The following IL1RAPL2 variants were observed in gnomAD, a reference collection of about 807,000 sequenced individuals.
The protein encoded by IL1RAPL2 is interleukin 1 receptor accessory protein like 2, also known as X-linked interleukin-1 receptor accessory protein-like 2.
A neutral mutation model predicts 44.1 loss-of-function variants in IL1RAPL2; 3 were observed. That is an observed-to-expected ratio of 0.07 (90% CI 0.03 to 0.18). IL1RAPL2 has a LOEUF of 0.18. Among genes scored for constraint, IL1RAPL2 ranks in the 10% least tolerant of loss-of-function variants. IL1RAPL2 has a pLI of 1.00. For synonymous variants in IL1RAPL2, 181 were observed against 178.8 expected, an observed-to-expected ratio of 1.01 and a Z score of -0.10; for missense variants, 391 against 496.4, an observed-to-expected ratio of 0.79 and a Z score of 2.02.
intron 1 of IL1RAPL2, among the ~76,000 whole-genome samples, chrX:104,598,693 T>C (rs1396545703): frequency 8.9e-6 from 1 of 112,093 alleles, no homozygotes; most frequent in Non-Finnish European, 1.9e-5. Flanking sequence ...CTTTTTGTGA[T>C]AAAATTTCTT....
Position 105,272,282 on chromosome X carries a change from TA to T in IL1RAPL2, c.697+4751del, listed in dbSNP as rs377125862. Among the ~76,000 whole-genome samples the T allele has an allele frequency of 5.5e-3, 565 of 103,225 alleles. 4 individuals carry two copies. The highest frequency in any genetic ancestry group is 0.016 in the African/African-American group (463 of 28,431). 89.6% of individuals were successfully genotyped at this position (103,225 alleles called of 115,157 possible). A position where few individuals can be genotyped will look rare whatever the true frequency, so the allele number is the denominator to read the frequency against. On this transcript the variant is annotated intron_variant, in intron 5 of 10. Transcript: ENST00000372582. ...ATGTACCCTAAAACTTAAAGTATAA[TA>T]AAAAAAAAAGAAGGTCAAAGGCAGA...
rs1377826070 is a variant in IL1RAPL2 at position 105,034,967 on chromosome X, C to A, written c.83-160508C>A. ...GGGCGCCCCTCCCCCAGCCTGGCTGCCACCTTGCAGTTTGATCTCAGACTG... is the reference window on the plus strand; with the variant it reads ...GGGCGCCCCTCCCCCAGCCTGGCTGACACCTTGCAGTTTGATCTCAGACTG... On this transcript the variant is annotated intron_variant, in intron 2 of 10. Transcript: ENST00000372582. 6.6e-5 allele frequency among the ~76,000 whole-genome samples: 7 copies of A among 105,824 alleles called. No homozygotes were observed. In the East Asian group the frequency reaches 2.1e-3, roughly 31 times the overall value. 91.9% of individuals were successfully genotyped at this position (105,824 alleles called of 115,157 possible).
chrX:105,374,115 C>CAAA (rs1177602549), intron 5 of IL1RAPL2, among the ~76,000 whole-genome samples: 1 of 45,328 alleles, frequency 2.2e-5, no homozygotes, highest in African/African-American at 5.2e-5. Flanking sequence ...GCAAGACTGT[C>CAAA]AAAAAAAAAA....
chrX:104,686,667 C>T (rs1930993569), intron 2 of IL1RAPL2, among the ~76,000 whole-genome samples: 2 of 111,696 alleles, frequency 1.8e-5, no homozygotes, highest in South Asian at 7.5e-4. Flanking sequence ...AAAGTTTTCC[C>T]CAACACTTTA....
At chrX:104,853,002 C>G (rs958880729) in intron 2 of IL1RAPL2, among the ~76,000 whole-genome samples, 1 of 111,690 alleles carries the variant, frequency 9.0e-6, no homozygotes, top group Non-Finnish European at 1.9e-5. Flanking sequence ...TCTGCTACAA[C>G]CAACTTACTT....
intron 5 of IL1RAPL2, among the ~76,000 whole-genome samples, chrX:105,466,240 C>T (rs1171571948): frequency 9.8e-6 from 1 of 101,927 alleles, no homozygotes; most frequent in African/African-American, 3.6e-5. Context: ...TAATTTCAAC[C>T]TTTTTTTTTT....
At chrX:105,668,012 G>A (rs1399693006) in intron 6 of IL1RAPL2, among the ~76,000 whole-genome samples, 1 of 101,401 alleles carries the variant, frequency 9.9e-6, no homozygotes, top group East Asian at 3.3e-4. Context: ...CATATAGATA[G>A]TATATATATT....
chrX:105,610,479 C>T (rs2037327853), intron 6 of IL1RAPL2, among the ~76,000 whole-genome samples: 1 of 111,771 alleles, frequency 8.9e-6, no homozygotes, highest in Non-Finnish European at 1.9e-5. Flanking sequence ...CCTCCCCCAT[C>T]CTTGCCCCAG....
chrX:105,483,098 A>AC (rs1455533030), intron 5 of IL1RAPL2, among the ~76,000 whole-genome samples: 6 of 107,222 alleles, frequency 5.6e-5, no homozygotes, highest in Non-Finnish European at 7.7e-5. Context: ...GCTCACCACC[A>AC]CCCATCCCCA....
At chrX:105,264,375 T>C (rs1484365467) in intron 4 of IL1RAPL2, among the ~76,000 whole-genome samples, 3 of 111,390 alleles carry the variant, frequency 2.7e-5, no homozygotes, top group Non-Finnish European at 5.6e-5. Flanking sequence ...TATTTCTTCA[T>C]AGCAGCATGA....
chrX:105,248,862 C>T (rs928860848), intron 4 of IL1RAPL2, among the ~76,000 whole-genome samples: 1 of 110,732 alleles, frequency 9.0e-6, no homozygotes, highest in Non-Finnish European at 1.9e-5. Flanking sequence ...ACTGAGGATT[C>T]GAAGAAAAGG....
intron 2 of IL1RAPL2, among the ~76,000 whole-genome samples, chrX:104,881,156 TATTA>T (rs776182757): frequency 3.0e-4 from 34 of 111,991 alleles, no homozygotes; most frequent in South Asian, 7.4e-4. Flanking sequence ...GATGGCATTT[TATTA>T]ATTAAGAGTG....
chrX:105,099,618 C>G (rs2032647608), intron 2 of IL1RAPL2, among the ~76,000 whole-genome samples: 1 of 106,106 alleles, frequency 9.4e-6, no homozygotes, highest in Non-Finnish European at 1.9e-5. Flanking sequence ...GCGCCCGCCA[C>G]TACGCCTGGC....
intron 5 of IL1RAPL2, among the ~76,000 whole-genome samples, chrX:105,335,583 T>C (rs2035022211): frequency 9.0e-6 from 1 of 111,237 alleles, no homozygotes; most frequent in Non-Finnish European, 1.9e-5. Context: ...GATTTTAAAT[T>C]AATGTCTGGG....
chrX:105,441,539 G>C (rs1316161012), intron 5 of IL1RAPL2, among the ~76,000 whole-genome samples: 1 of 111,565 alleles, frequency 9.0e-6, no homozygotes, highest in Non-Finnish European at 1.9e-5. Context: ...CCTTTAAGTG[G>C]ACTCTCAACA....
intron 9 of IL1RAPL2, among the ~76,000 whole-genome samples, chrX:105,750,581 C>T (rs1256787819): frequency 1.8e-5 from 2 of 108,434 alleles, no homozygotes; most frequent in African/African-American, 6.7e-5. Context: ...GCTGGGATTA[C>T]AGACATTAGC....
intron 1 of IL1RAPL2, among the ~76,000 whole-genome samples, chrX:104,639,714 C>A (rs1929896623): frequency 9.0e-6 from 1 of 111,027 alleles, no homozygotes; most frequent in Non-Finnish European, 1.9e-5. Context: ...ATGAATTTAC[C>A]CAGAATTTAC....
chrX:105,343,622 T>C (rs1003928453), intron 5 of IL1RAPL2, among the ~76,000 whole-genome samples: 2 of 111,938 alleles, frequency 1.8e-5, no homozygotes, highest in African/African-American at 3.2e-5. Context: ...TGTACCCCCA[T>C]AGTTATTTCT....
chrX:104,771,037 T>C (rs766370560), intron 2 of IL1RAPL2, among the ~76,000 whole-genome samples: 1 of 112,196 alleles, frequency 8.9e-6, no homozygotes, highest in South Asian at 3.7e-4. Flanking sequence ...CTGAAAAGGA[T>C]CATGTGTATT....
Sources: gnomAD v4.1 joint callset for allele counts (sites outside exome capture counted in the v4.1 genomes callset) on GRCh38, gnomAD v4.1.1 for gene constraint, MANE v1.5 for transcripts, NCBI Gene and HGNC (gene_info 2026-07-23, HGNC 2026-07-21) for gene names.